BNC2: variants seen among roughly 807,000 people sequenced by gnomAD.
BNC2 encodes the protein basonuclin zinc finger protein 2.
In BNC2, 20 loss-of-function variants were observed where a neutral mutation model predicts 76.3. The ratio of observed to expected loss-of-function variants is 0.26; its 90% CI spans 0.18 to 0.38. The LOEUF (loss-of-function observed/expected upper bound fraction) is 0.38. BNC2 is among the 10% of genes least tolerant of loss of function. The probability of loss-of-function intolerance (pLI) is 1.00; values close to 1 mark genes in which losing one functional copy is unlikely to be tolerated. For synonymous variants in BNC2, 582 were observed against 514.8 expected, an observed-to-expected ratio of 1.13 and a Z score of -1.77; for missense variants, 1,382 against 1,399.8, an observed-to-expected ratio of 0.99 and a Z score of 0.20.
chr9:16,800,062 T>C (rs1200065539), intron 1 of BNC2, among the ~76,000 whole-genome samples: 4 of 151,814 alleles, frequency 2.6e-5, no homozygotes, highest in Non-Finnish European at 5.9e-5. Context: ...CCATCTCTAC[T>C]AAAAATACAA....
intron 2 of BNC2, among the ~76,000 whole-genome samples, chr9:16,733,994 C>A (rs1259924890): frequency 3.9e-5 from 6 of 152,168 alleles, no homozygotes; most frequent in Non-Finnish European, 7.4e-5. Flanking sequence ...ACTCCTCTTA[C>A]AACAGCCAAG....
intron 5 of BNC2, among the ~76,000 whole-genome samples, chr9:16,537,203 T>C: frequency 6.6e-6 from 1 of 152,164 alleles, no homozygotes; most frequent in South Asian, 2.1e-4. Context: ...TATGCTTTAA[T>C]TTTCTGAATG....
At chr9:16,641,890 G>T (rs993152959) in intron 3 of BNC2, among the ~76,000 whole-genome samples, 1 of 152,112 alleles carries the variant, frequency 6.6e-6, no homozygotes, top group Non-Finnish European at 1.5e-5. Flanking sequence ...AAAATACCAT[G>T]TAAGATGATG....
At chr9:16,496,202 C>G (rs1352566046) in intron 5 of BNC2, among the ~76,000 whole-genome samples, 1 of 152,078 alleles carries the variant, frequency 6.6e-6, no homozygotes, top group African/African-American at 2.4e-5. Context: ...AGCCACTGCA[C>G]CCAGCCCTTT....
At chr9:16,846,004 G>C (rs1487932301) in intron 1 of BNC2, among the ~76,000 whole-genome samples, 3 of 151,866 alleles carry the variant, frequency 2.0e-5, no homozygotes, top group Non-Finnish European at 4.4e-5. Context: ...AAAAAAATTA[G>C]CTGGCCGCGG....
chr9:16,787,840 C>T (rs571518407), intron 1 of BNC2, among the ~76,000 whole-genome samples: 12 of 152,274 alleles, frequency 7.9e-5, no homozygotes, highest in Non-Finnish European at 1.2e-4. Flanking sequence ...CATGAGCCAA[C>T]GCGCCCTGCC....
chr9:16,728,467 A>G (rs1287397298), intron 2 of BNC2, among the ~76,000 whole-genome samples: 1 of 152,084 alleles, frequency 6.6e-6, no homozygotes, highest in Non-Finnish European at 1.5e-5. Flanking sequence ...TTTCTCAACA[A>G]TGCTTTCTGA....
chr9:16,613,800 C>G (rs1820620223), intron 3 of BNC2, among the ~76,000 whole-genome samples: 1 of 152,170 alleles, frequency 6.6e-6, no homozygotes, highest in African/African-American at 2.4e-5. Context: ...GAAATAGTGA[C>G]AAGCACAGCT....
At chr9:16,790,379 T>C (rs1450767567) in intron 1 of BNC2, among the ~76,000 whole-genome samples, 1 of 152,242 alleles carries the variant, frequency 6.6e-6, no homozygotes, top group Non-Finnish European at 1.5e-5. Context: ...AAAAACTGTC[T>C]ATCAGCTATA....
At chr9:16,749,354 A>G (rs1825112798) in intron 1 of BNC2, among the ~76,000 whole-genome samples, 1 of 152,198 alleles carries the variant, frequency 6.6e-6, no homozygotes, top group Non-Finnish European at 1.5e-5. Context: ...AATTTGAGCC[A>G]AGATTCTTAG....
intron 3 of BNC2, among the ~76,000 whole-genome samples, chr9:16,656,094 A>C (rs140658587): frequency 1.3e-5 from 2 of 152,338 alleles, no homozygotes; most frequent in Non-Finnish European, 2.9e-5. Context: ...AGTTACTGGT[A>C]GCTATGAGTA....
intron 1 of BNC2, among the ~76,000 whole-genome samples, chr9:16,866,123 C>G (rs980964951): frequency 4.6e-5 from 7 of 151,936 alleles, no homozygotes; most frequent in Admixed American, 1.3e-4. Context: ...TATTAAAGTG[C>G]AATTATGATC....
At chr9:16,489,427 T>C (rs1364916606) in intron 5 of BNC2, among the ~76,000 whole-genome samples, 3 of 152,182 alleles carry the variant, frequency 2.0e-5, no homozygotes, top group Non-Finnish European at 4.4e-5. Flanking sequence ...AGTTTTAACA[T>C]GCAGCAAAAT....
intron 3 of BNC2, among the ~76,000 whole-genome samples, chr9:16,612,319 A>G (rs1820571116): frequency 6.6e-6 from 1 of 152,178 alleles, no homozygotes. Context: ...GAAATTAAGT[A>G]TCTGCCTCAT....
At chr9:16,537,148 G>A (rs1818154562) in intron 5 of BNC2, among the ~76,000 whole-genome samples, 1 of 151,936 alleles carries the variant, frequency 6.6e-6, no homozygotes. Context: ...AACTACCCTG[G>A]ATAGAAGATG....
At chr9:16,461,743 G>A (rs571885132) in intron 5 of BNC2, among the ~76,000 whole-genome samples, 1 of 152,272 alleles carries the variant, frequency 6.6e-6, no homozygotes, top group East Asian at 1.9e-4. Flanking sequence ...AACAGGCCTT[G>A]ATGTCAGCTA....
chr9:16,492,721 A>ATTTT (rs59536317), intron 5 of BNC2, among the ~76,000 whole-genome samples: 48 of 140,250 alleles, frequency 3.4e-4, no homozygotes, highest in East Asian at 1.0e-3. Flanking sequence ...AGGCCTGCCC[A>ATTTT]TTTTTTTTTT....
At chr9:16,558,586 A>G (rs1034479341) in intron 4 of BNC2, among the ~76,000 whole-genome samples, 1 of 152,156 alleles carries the variant, frequency 6.6e-6, no homozygotes, top group African/African-American at 2.4e-5. Context: ...AGTTGGAACT[A>G]AAAGAGTTCT....
At chr9:16,856,702 G>T (rs1294564433) in intron 1 of BNC2, among the ~76,000 whole-genome samples, 1 of 152,100 alleles carries the variant, frequency 6.6e-6, no homozygotes, top group Non-Finnish European at 1.5e-5. Context: ...GCACATTAAG[G>T]CAAATTAATG....
Sources: gnomAD v4.1 joint callset for allele counts (sites outside exome capture counted in the v4.1 genomes callset) on GRCh38, gnomAD v4.1.1 for gene constraint, MANE v1.5 for transcripts, NCBI Gene and HGNC (gene_info 2026-07-23, HGNC 2026-07-21) for gene names.